Variants in HEMK2 observed in about 807,000 individuals in gnomAD.
HEMK2 encodes HemK methyltransferase 2, ETF1 glutamine and histone H4 lysine.
chr21:28,682,698 T>C, the HEMK2 span, among the ~76,000 whole-genome samples: 56 of 152,164 alleles, frequency 3.7e-4, no homozygotes, highest in Admixed American at 2.3e-3. Flanking sequence ...GTGGCACATA[T>C]ACACCATGGA....
chr21:28,788,286 A>ACG, the HEMK2 span, among the ~76,000 whole-genome samples: 2 of 110,760 alleles, frequency 1.8e-5, no homozygotes, highest in East Asian at 5.3e-4. Context: ...ATATACACAC[A>ACG]CACACACACA....
At chr21:28,781,238 C>T in the HEMK2 span, among the ~76,000 whole-genome samples, 1 of 152,168 alleles carries the variant, frequency 6.6e-6, no homozygotes. Flanking sequence ...GGTGAATTAC[C>T]TATCAACTCA....
chr21:28,769,055 A>C, the HEMK2 span, among the ~76,000 whole-genome samples: 1 of 152,098 alleles, frequency 6.6e-6, no homozygotes, highest in Non-Finnish European at 1.5e-5. Flanking sequence ...GTGTTGTTTA[A>C]GCCATTTAGA....
the HEMK2 span, among the ~76,000 whole-genome samples, chr21:28,713,128 C>T: frequency 2.6e-5 from 4 of 152,098 alleles, no homozygotes; most frequent in African/African-American, 9.7e-5. Flanking sequence ...ATTTGGGAGA[C>T]CAGGATTCAT....
the HEMK2 span, among the ~76,000 whole-genome samples, chr21:28,831,771 G>GAAAGAAAGAAAGAAAGAAAGAAAGAA: frequency 2.4e-4 from 35 of 144,670 alleles, no homozygotes; most frequent in African/African-American, 9.3e-4. Flanking sequence ...AAGAAAGAAA[G>GAAAGAAAGAAAGAAAGAAAGAAAGAA]AAACAGTATC....
At chr21:28,629,997 G>C in the HEMK2 span, among the ~76,000 whole-genome samples, 1 of 151,944 alleles carries the variant, frequency 6.6e-6, no homozygotes. Context: ...GGATTTGAGA[G>C]TCATAACTTC....
chr21:28,694,230 T>C, the HEMK2 span, among the ~76,000 whole-genome samples: 1 of 152,212 alleles, frequency 6.6e-6, no homozygotes, highest in Admixed American at 6.5e-5. Context: ...CTTTTAATGG[T>C]TACGGTACAT....
the HEMK2 span, among the ~76,000 whole-genome samples, chr21:28,611,911 CAAAAAA>C: frequency 2.8e-5 from 2 of 71,940 alleles, no homozygotes; most frequent in African/African-American, 4.8e-5. Flanking sequence ...GACACCATCT[CAAAAAA>C]AAAAAAAAAA....
chr21:28,749,477 T>C, the HEMK2 span, among the ~76,000 whole-genome samples: 36 of 152,322 alleles, frequency 2.4e-4, no homozygotes, highest in East Asian at 6.7e-3. Flanking sequence ...CATCTTAAGA[T>C]AATTTGAAAG....
the HEMK2 span, among the ~76,000 whole-genome samples, chr21:28,773,770 T>C: frequency 1.3e-5 from 2 of 152,168 alleles, no homozygotes; most frequent in African/African-American, 4.8e-5. Flanking sequence ...AGATTCTCCA[T>C]GGTTTCTACC....
the HEMK2 span, among the ~76,000 whole-genome samples, chr21:28,687,540 A>G: frequency 4.6e-5 from 7 of 152,206 alleles, no homozygotes; most frequent in African/African-American, 1.7e-4. Context: ...TAGCATGCAC[A>G]CACCCAGCAA....
the HEMK2 span, among the ~76,000 whole-genome samples, chr21:28,715,700 C>T: frequency 3.3e-5 from 5 of 152,148 alleles, no homozygotes; most frequent in African/African-American, 1.2e-4. Flanking sequence ...AAAACTTAGT[C>T]ATAAACTCTT....
the HEMK2 span, among the ~76,000 whole-genome samples, chr21:28,753,151 G>A: frequency 6.0e-3 from 913 of 152,256 alleles, 8 homozygotes; most frequent in African/African-American, 0.021. Context: ...AAGGTCAGGA[G>A]TTGGAGACCA....
At chr21:28,775,615 T>C in the HEMK2 span, among the ~76,000 whole-genome samples, 4 of 152,078 alleles carry the variant, frequency 2.6e-5, no homozygotes, top group Non-Finnish European at 5.9e-5. Context: ...TCCATGGAAG[T>C]CAAAAAATAA....
chr21:28,671,711 C>G, the HEMK2 span, among the ~76,000 whole-genome samples: 1 of 152,108 alleles, frequency 6.6e-6, no homozygotes. Flanking sequence ...CCAGGGATAT[C>G]ATCATTCCAT....
At chr21:28,788,455 A>G in the HEMK2 span, among the ~76,000 whole-genome samples, 1 of 151,990 alleles carries the variant, frequency 6.6e-6, no homozygotes, top group African/African-American at 2.4e-5. Context: ...GTTTTCACTG[A>G]TAAGTGGAAG....
At chr21:28,696,040 A>AGCAAAAG in the HEMK2 span, among the ~76,000 whole-genome samples, 1 of 152,154 alleles carries the variant, frequency 6.6e-6, no homozygotes, top group African/African-American at 2.4e-5. Flanking sequence ...CCACAATCAC[A>AGCAAAAG]GCAAAAGGCA....
the HEMK2 span, among the ~76,000 whole-genome samples, chr21:28,755,211 C>T: frequency 3.3e-5 from 5 of 152,214 alleles, no homozygotes; most frequent in Non-Finnish European, 5.9e-5. Flanking sequence ...TACTACAGTG[C>T]GGTAGACTCT....
At chr21:28,840,319 A>T in the HEMK2 span, among the ~76,000 whole-genome samples, 1 of 152,212 alleles carries the variant, frequency 6.6e-6, no homozygotes, top group Non-Finnish European at 1.5e-5. Context: ...GGATTTCATA[A>T]CCAAGAACCC....
Sources: allele counts gnomAD v4.1 joint callset (sites outside exome capture counted in the v4.1 genomes callset), GRCh38; gene constraint gnomAD v4.1.1; transcripts MANE v1.5; gene names NCBI Gene and HGNC (gene_info 2026-07-23, HGNC 2026-07-21).